OVGP1: variants seen among roughly 807,000 people sequenced by gnomAD.
The protein encoded by OVGP1 is oviduct-specific glycoprotein.
In OVGP1, 26 loss-of-function variants were observed where a neutral mutation model predicts 48.2. The ratio of observed to expected loss-of-function variants is 0.54; its 90% CI spans 0.40 to 0.75. The LOEUF is 0.75. Ranked by LOEUF, OVGP1 falls within the 30% of genes least tolerant of loss-of-function variation. OVGP1 has a pLI of 0.00. For missense variants in OVGP1, 791 were observed against 820.6 expected, an observed-to-expected ratio of 0.96 and a Z score of 0.44; for synonymous variants, 294 against 305.7, an observed-to-expected ratio of 0.96 and a Z score of 0.40.
chr1:111,421,218 G>C, intron 8 of OVGP1, 58 bp downstream of exon 8: 1 of 1,503,246 alleles, frequency 6.7e-7, no homozygotes, highest in Non-Finnish European at 9.0e-7. Context: ...CCTGGCCTTT[G>C]CTCCAGCTGG....
Position 111,414,558 on chromosome 1 carries a change from T to C in OVGP1, c.1943A>G (p.Asn648Ser). 6.2e-7 allele frequency: 1 copy of C among 1,614,156 alleles called. No individual in the cohort carries two copies. Among genetic ancestry groups the C allele is most frequent in the Middle Eastern group, 1.6e-4 (1 of 6,062 alleles). ...GGTTACTGAGTTGACAGAGGAATGG[T>C]TTCCATAGATGGGAACAAAGCGGTT... ...FDNRFVPIYGNHSSVNSVTPQ... is the reference protein window; with the variant it reads ...FDNRFVPIYGSHSSVNSVTPQ... The change falls in exon 11 of 11, where the codon AAC becomes AGC. Residue 648 changes from asparagine (N) to serine (S), a missense_variant. Physicochemically the swap from Asn to Ser is conservative, Grantham distance 46 (BLOSUM62 1). Transcript: ENST00000369732.
In OVGP1 at chr1:111,421,550, C is replaced by A. The variant is rs746008940; in HGVS notation, c.717+15G>T. The stretch of plus-strand genomic sequence containing the variant: ...GGCAGATGTCTGGACCACCTGAGAT[C>A]TTTCCTTTCCTTACCGAAGATTTGG... On this transcript the variant is annotated intron_variant, in intron 7 of 10. Transcript: ENST00000369732. The A allele has an allele frequency of 6.2e-7, 1 of 1,609,764 alleles. No homozygotes were observed. The highest frequency in any genetic ancestry group is 8.5e-7 in the Non-Finnish European group (1 of 1,176,078).
chr1:111,423,569 G>C lies in OVGP1; in HGVS notation c.457C>G (p.Arg153Gly), dbSNP rs753225834. Reference sequence around the variant, plus strand: ...TCAATTAAGAAGAGAAAAGTCCACCGGTCATGCATGGGGCTGCCTCTTAGT... The same window carrying C: ...TCAATTAAGAAGAGAAAAGTCCACCCGTCATGCATGGGGCTGCCTCTTAGT... ...PGLRGSPMHDRWTFLFLIEEL... is the reference protein window; with the variant it reads ...PGLRGSPMHDGWTFLFLIEEL... Residue 153 changes from arginine to glycine, a missense_variant, in exon 5 of 11, where the codon CGG becomes GGG. Transcript: ENST00000369732. 2 of 1,613,992 alleles carry C rather than the reference G, an allele frequency of 1.2e-6. No homozygotes were observed. Among genetic ancestry groups the C allele is most frequent in the South Asian group, 1.1e-5 (1 of 91,078 alleles).
chr1:111,425,793 A>G (rs752831034), intron 3 of OVGP1, among the ~76,000 whole-genome samples: 11 of 152,232 alleles, frequency 7.2e-5, no homozygotes, highest in Admixed American at 3.3e-4. Context: ...TGTGCCATTT[A>G]CTGCTTTAGG....
At chr1:111,422,360 C>A (rs1353388202) in intron 6 of OVGP1, among the ~76,000 whole-genome samples, 4 of 152,190 alleles carry the variant, frequency 2.6e-5, no homozygotes, top group Non-Finnish European at 4.4e-5. Flanking sequence ...TTTTGGTCTG[C>A]ATCTGCCTCA....
chr1:111,414,615 T>C lies in OVGP1; in HGVS notation c.1886A>G (p.Gln629Arg). 6.2e-7 allele frequency: 1 copy of C among 1,614,230 alleles called. No individual in the cohort carries two copies. Among genetic ancestry groups the C allele is most frequent in the Non-Finnish European group, 8.5e-7 (1 of 1,180,040 alleles). Residue 629 changes from glutamine (Q) to arginine (R), a missense_variant, in exon 11 of 11, where the codon CAG becomes CGG. Coordinates refer to ENST00000369732, the MANE Select transcript of OVGP1 (RefSeq NM_002557.4). The part of the protein sequence containing the change: ...RMMLSSSPVI[Q>R]LPEQTPLAFD... ...AGCTAGAGGAGTTTGTTCCGGGAGCTGGATGACGGGGCTGGAGGACAGCAT... is the reference window on the plus strand; with the variant it reads ...AGCTAGAGGAGTTTGTTCCGGGAGCCGGATGACGGGGCTGGAGGACAGCAT...
chr1:111,423,684 A>C lies in OVGP1; in HGVS notation c.342T>G (p.Phe114Leu). 1 of 1,614,164 alleles carries C rather than the reference A, an allele frequency of 6.2e-7. No homozygotes were observed. The highest frequency in any genetic ancestry group is 8.5e-7 in the Non-Finnish European group (1 of 1,179,968). The change falls in exon 5 of 11, where the codon TTT becomes TTG. Residue 114 changes from phenylalanine to leucine, a missense_variant. Phe to Leu is a conservative substitution (Grantham distance 22). Transcript: ENST00000369732. ...AAGCAATAAACTTTTCACGGTTGGC[A>C]AATGTGGACAACATAGTGGTGAATC... ...TSRFTTMLST[F>L]ANREKFIASV...
chr1:111,425,353 A>C (rs1421645489), intron 4 of OVGP1, 30 bp downstream of exon 4: 1 of 1,612,900 alleles, frequency 6.2e-7, no homozygotes, highest in East Asian at 2.2e-5. Context: ...CCACCCTCCC[A>C]GGGAGAAGAG....
chr1:111,426,531 A>G lies in OVGP1; in HGVS notation c.166T>C (p.Phe56Leu). Reference sequence around the variant, plus strand: ...TTGTTGTTCATTGAGGCAAAGGCAAATATCAGGTGGGTGCAGAGAAAGGGG... The same window carrying G: ...TTGTTGTTCATTGAGGCAAAGGCAAGTATCAGGTGGGTGCAGAGAAAGGGG... ...LDPFLCTHLI[F>L]AFASMNNNQI... The change falls in exon 3 of 11, where the codon TTT (phenylalanine) becomes CTT (leucine). Residue 56 changes from phenylalanine (F) to leucine (L), a missense_variant. By Grantham distance (22) the Phe-to-Leu change is conservative. Coordinates refer to ENST00000369732, the MANE Select transcript of OVGP1 (RefSeq NM_002557.4). 1 of 1,614,128 alleles carries G rather than the reference A, an allele frequency of 6.2e-7. No individual in the cohort carries two copies. The highest frequency in any genetic ancestry group is 8.5e-7 in the Non-Finnish European group (1 of 1,180,004).
At chr1:111,421,158 A>G (rs921364902) in intron 8 of OVGP1, 118 bp downstream of exon 8, 2 of 850,064 alleles carry the variant, frequency 2.4e-6, no homozygotes, top group Non-Finnish European at 3.5e-6. Flanking sequence ...GTACTAATAG[A>G]CCACCTCTTT....
chr1:111,416,376 C>A lies in OVGP1; in HGVS notation c.1103G>T (p.Gly368Val), dbSNP rs201516464. The change falls in exon 10 of 11, where the codon GGC (glycine) becomes GTC (valine). Residue 368 changes from glycine (G) to valine (V), a missense_variant. Transcript: ENST00000369732. ...DMDDVRGTFC[G>V]TGPFPLVYVL... ...GTAGACAAGGGGGAAAGGGCCAGTG[C>A]CACAGAACGTGCCCCTGACGTCATC... 6.2e-7 allele frequency: 1 copy of A among 1,608,508 alleles called. No individual in the cohort carries two copies. The highest frequency in any genetic ancestry group is 8.5e-7 in the Non-Finnish European group (1 of 1,177,366).
intron 9 of OVGP1, 26 bp from the exon 10 acceptor site, chr1:111,416,484 T>C (rs769556970): frequency 1.9e-6 from 3 of 1,588,748 alleles, no homozygotes; most frequent in Non-Finnish European, 2.6e-6. Context: ...TCAGTCAACC[T>C]GCTGTACTTG....
At position 111,422,984 on chromosome 1, in the gene OVGP1, G is replaced by A; in HGVS notation, c.551C>T (p.Ala184Val). The A allele has an allele frequency of 2.5e-6, 4 of 1,614,162 alleles. No homozygotes were observed. The highest frequency in any genetic ancestry group is 3.4e-6 in the Non-Finnish European group (4 of 1,180,024). The change falls in exon 6 of 11, where the codon GCT becomes GTT. Residue 184 changes from alanine to valine, a missense_variant. Transcript: ENST00000369732. ...TMRPRLLLSA[A>V]VSGVPHIVQT... The stretch of plus-strand genomic sequence containing the variant: ...GACGATGTGTGGGACCCCAGAAACA[G>A]CAGCAGACAGCAGCAGCCTCGGGCG...
intron 6 of OVGP1, 81 bp downstream of exon 6, chr1:111,422,846 G>T: frequency 6.5e-7 from 1 of 1,546,142 alleles, no homozygotes; most frequent in Non-Finnish European, 8.9e-7. Flanking sequence ...CAAAAACAGT[G>T]CTTGGGAAGC....
At chr1:111,426,313 CT>C in intron 3 of OVGP1, 123 bp downstream of exon 3, 4 of 1,391,916 alleles carry the variant, frequency 2.9e-6, no homozygotes, top group Non-Finnish European at 3.9e-6. Context: ...CTCTGGACCC[CT>C]ATTTGAGAGG....
chr1:111,415,058 A>G lies in OVGP1; in HGVS notation c.1443T>C (p.Ser481=), dbSNP rs1652096259. 3 of 1,613,978 alleles carry G rather than the reference A, an allele frequency of 1.9e-6. No homozygotes were observed. Among genetic ancestry groups the G allele is most frequent in the African/African-American group, 2.7e-5 (2 of 74,940 alleles). Residue 481 remains serine, a synonymous_variant, in exon 11 of 11, where the codon TCT becomes TCC. Coordinates refer to ENST00000369732, the MANE Select transcript of OVGP1 (RefSeq NM_002557.4). ...TEITGAMTMT[S]VGHQSMTPGE... is the part of the protein sequence containing the mutation. ...CAGGGGTCATGGACTGATGACCCAC[A>G]GAAGTCATGGTCATTGCCCCAGTGA...
Position 111,424,090 on chromosome 1 carries a change from T to G in OVGP1, c.318-382A>C, listed in dbSNP as rs1384372587. 4.6e-5 allele frequency among the ~76,000 whole-genome samples: 7 copies of G among 152,304 alleles called. No individual in the cohort carries two copies. The East Asian group carries it at 7.7e-4, about 17-fold the overall frequency. On this transcript the variant is annotated intron_variant, in intron 4 of 10. Transcript: ENST00000369732. ...CCTCTCTGTGCTGTCTCCTCATAGGTAACTACTCAATTCCCACAACCTGTC... is the reference window on the plus strand; with the variant it reads ...CCTCTCTGTGCTGTCTCCTCATAGGGAACTACTCAATTCCCACAACCTGTC...
Position 111,427,004 on chromosome 1 carries a change from A to G in OVGP1, c.55+58T>C, listed in dbSNP as rs1652416425. On this transcript the variant is annotated intron_variant, in intron 2 of 10. Coordinates refer to ENST00000369732, the MANE Select transcript of OVGP1 (RefSeq NM_002557.4). ...GGGCTGCAGGGGACACTCAATGTGGAGGACTTCTCAGCCAGAGACTCTCCC... is the reference window on the plus strand; with the variant it reads ...GGGCTGCAGGGGACACTCAATGTGGGGGACTTCTCAGCCAGAGACTCTCCC... The G allele has an allele frequency of 3.7e-6, 6 of 1,613,382 alleles. No homozygotes were observed. In the Admixed American group the frequency reaches 1.0e-4, roughly 27 times the overall value.
chr1:111,414,457 G>C lies in OVGP1; in HGVS notation c.*7C>G, dbSNP rs370656006. ...GGGTTTTCCCTGGTTTCTGACACCA[G>C]AGGGGCTTAGGCTTCTTCATCCACA... On this transcript the variant is annotated 3_prime_UTR_variant, in exon 11 of 11. Coordinates refer to ENST00000369732, the MANE Select transcript of OVGP1 (RefSeq NM_002557.4). The C allele has an allele frequency of 1.9e-6, 3 of 1,598,058 alleles. No individual in the cohort carries two copies. The highest frequency in any genetic ancestry group is 2.7e-5 in the African/African-American group (2 of 74,070).
Sources: gnomAD v4.1 joint callset for allele counts (sites outside exome capture counted in the v4.1 genomes callset) on GRCh38, gnomAD v4.1.1 for gene constraint, MANE v1.5 for transcripts, NCBI Gene and HGNC (gene_info 2026-07-23, HGNC 2026-07-21) for gene names.